Variants in PRKN observed in about 807,000 individuals in gnomAD.
PRKN encodes the protein E3 ubiquitin-protein ligase parkin.
PRKN carries 56 observed loss-of-function variants against 59.5 expected under a neutral mutation model. That is an observed-to-expected ratio of 0.94 (90% confidence interval 0.76 to 1.18). PRKN has a LOEUF of 1.18. Ranked by LOEUF, PRKN falls within the 50% of genes most tolerant of loss-of-function variation. The pLI is 0.00. For missense variants in PRKN, 657 were observed against 596.4 expected (o/e 1.10, Z -1.06); for synonymous variants, 250 against 222.1 (o/e 1.13, Z -1.12).
At chr6:161,904,930 G>GC (rs1778086632) in intron 6 of PRKN, among the ~76,000 whole-genome samples, 2 of 152,130 alleles carry the variant, frequency 1.3e-5, no homozygotes, top group South Asian at 4.1e-4. Flanking sequence ...GGATGGCTCT[G>GC]CTGCTGCATT....
chr6:161,865,961 T>C (rs1351344452), intron 6 of PRKN, among the ~76,000 whole-genome samples: 6 of 152,220 alleles, frequency 3.9e-5, no homozygotes, highest in Admixed American at 3.9e-4. Flanking sequence ...TAATCATCTC[T>C]AACTTCTGAT....
intron 2 of PRKN, among the ~76,000 whole-genome samples, chr6:162,410,805 C>T (rs547475105): frequency 6.6e-5 from 10 of 152,228 alleles, no homozygotes; most frequent in Non-Finnish European, 1.0e-4. Context: ...AGCTGAAAAG[C>T]GTTCAGATTC....
chr6:162,078,079 T>C (rs577350591), intron 4 of PRKN, among the ~76,000 whole-genome samples: 1 of 151,918 alleles, frequency 6.6e-6, no homozygotes, highest in African/African-American at 2.4e-5. Flanking sequence ...TTATAGCATA[T>C]GGGATAAGTT....
At chr6:162,309,586 G>A (rs73024756) in intron 2 of PRKN, among the ~76,000 whole-genome samples, 18,720 of 152,188 alleles carry the variant, frequency 0.12, 2,447 homozygotes, top group African/African-American at 0.33. Context: ...AGCTGATTTC[G>A]ATTGTGCACT....
At chr6:162,306,534 C>T (rs531711523) in intron 2 of PRKN, among the ~76,000 whole-genome samples, 2 of 152,272 alleles carry the variant, frequency 1.3e-5, no homozygotes, top group East Asian at 1.9e-4. Flanking sequence ...AAAGGAGTTG[C>T]GAAGATTAAT....
intron 7 of PRKN, among the ~76,000 whole-genome samples, chr6:161,674,291 GT>G (rs1385591915): frequency 1.3e-5 from 2 of 151,952 alleles, no homozygotes; most frequent in East Asian, 3.9e-4. Context: ...TGGCTTTGCT[GT>G]ATAATTGTTT....
intron 1 of PRKN, among the ~76,000 whole-genome samples, chr6:162,681,127 A>G (rs983721627): frequency 1.3e-5 from 2 of 152,186 alleles, no homozygotes; most frequent in African/African-American, 2.4e-5. Context: ...AGAACAGCAC[A>G]TGCACTCTGT....
rs377652612 is a variant in PRKN at position 161,526,792 on chromosome 6, G to A, written c.1083+22062C>T. Among the ~76,000 whole-genome samples the A allele has an allele frequency of 6.6e-5, 10 of 152,200 alleles. No individual in the cohort carries two copies. The highest frequency in any genetic ancestry group is 3.9e-4 in the East Asian group (2 of 5,178). ...AAACTGACAGTAGACAGATCAACAC[G>A]ATAAAATACATACAAATTTATTACA... On this transcript the variant is annotated intron_variant, in intron 9 of 11. Coordinates refer to ENST00000366898, the MANE Select transcript of PRKN (RefSeq NM_004562.3). This position sits in a 1 kb window ranked among gnomAD's most constrained non-coding sequence, Gnocchi z 4.1.
At chr6:161,590,073 G>T (rs1781663377) in intron 7 of PRKN, among the ~76,000 whole-genome samples, 1 of 151,998 alleles carries the variant, frequency 6.6e-6, no homozygotes, top group East Asian at 1.9e-4. Context: ...ACAGGCGTGA[G>T]CCACTGTGCC....
At chr6:162,273,655 A>C (rs1395956769) in intron 2 of PRKN, among the ~76,000 whole-genome samples, 1 of 152,198 alleles carries the variant, frequency 6.6e-6, no homozygotes, top group Non-Finnish European at 1.5e-5. Context: ...GGTGAGAAGG[A>C]GCTTCATGAT....
intron 1 of PRKN, among the ~76,000 whole-genome samples, chr6:162,523,403 C>T (rs932852687): frequency 6.6e-6 from 1 of 152,100 alleles, no homozygotes; most frequent in South Asian, 2.1e-4. Context: ...TGGCTCATGC[C>T]TATAATCCCA....
At chr6:162,021,911 C>T (rs1314556216) in intron 5 of PRKN, among the ~76,000 whole-genome samples, 1 of 152,008 alleles carries the variant, frequency 6.6e-6, no homozygotes, top group Non-Finnish European at 1.5e-5. Flanking sequence ...GTGTACCCAT[C>T]GTTTAGTTCC....
At chr6:162,289,012 T>C (rs535423559) in intron 2 of PRKN, among the ~76,000 whole-genome samples, 2 of 152,302 alleles carry the variant, frequency 1.3e-5, no homozygotes, top group South Asian at 4.1e-4. Context: ...GGATGTGGAA[T>C]ATGGCAAAAG....
intron 3 of PRKN, among the ~76,000 whole-genome samples, chr6:162,259,029 C>T (rs925809772): frequency 6.6e-6 from 1 of 152,146 alleles, no homozygotes; most frequent in Non-Finnish European, 1.5e-5. Flanking sequence ...CCACGTCCAG[C>T]CAGCACTTAT....
rs1002787096 is a variant in PRKN, at chr6:161,562,046, C to G, written c.933+7309G>C. ...ACCATTCCTCCTCTGGAAGGCCCGC[C>G]TTCTCAGCTTCCCCAACACCATAAA... On this transcript the variant is annotated intron_variant, in intron 8 of 11. Transcript: ENST00000366898. The surrounding 1 kb of genome is among the most constrained non-coding windows in gnomAD (Gnocchi z 4.3). Among the ~76,000 whole-genome samples, 1 of 152,140 alleles carries G rather than the reference C, an allele frequency of 6.6e-6. No individual in the cohort carries two copies. The highest frequency in any genetic ancestry group is 2.4e-5 in the African/African-American group (1 of 41,438).
chr6:161,612,182 G>C (rs1205548720), intron 7 of PRKN, among the ~76,000 whole-genome samples: 11 of 152,196 alleles, frequency 7.2e-5, no homozygotes, highest in Non-Finnish European at 2.9e-5. Context: ...TGCTGATATA[G>C]AAACCGCAGC....
At position 162,280,089 on chromosome 6, in the gene PRKN, A is replaced by C. The variant is rs976311810; in HGVS notation, c.172-17324T>G. On this transcript the variant is annotated intron_variant, in intron 2 of 11. Transcript: ENST00000366898. ...TCTGCACATGGGAAGGGTCTCCTGA[A>C]TACAGCACACTGATGGGTACTGACT... 5.3e-5 allele frequency among the ~76,000 whole-genome samples: 8 copies of C among 152,100 alleles called. No individual in the cohort carries two copies. The East Asian group carries it at 1.5e-3, about 29-fold the overall frequency.
At chr6:162,007,977 C>T (rs932150021) in intron 5 of PRKN, among the ~76,000 whole-genome samples, 2 of 152,076 alleles carry the variant, frequency 1.3e-5, no homozygotes. Context: ...TTTCAGATGT[C>T]GCTAGGGGAG....
chr6:162,053,452 T>C (rs1469626995), intron 5 of PRKN, among the ~76,000 whole-genome samples: 1 of 152,206 alleles, frequency 6.6e-6, no homozygotes, highest in African/African-American at 2.4e-5. Context: ...ATGTGAAGCA[T>C]GACCATAATA....
Sources: allele counts gnomAD v4.1 joint callset (sites outside exome capture counted in the v4.1 genomes callset), GRCh38; gene constraint gnomAD v4.1.1; non-coding constraint Gnocchi (gnomAD v3.1); transcripts MANE v1.5; gene names NCBI Gene and HGNC (gene_info 2026-07-23, HGNC 2026-07-21).